The following CDH12 variants were observed in gnomAD, a reference collection of about 807,000 sequenced individuals.
CDH12 encodes the protein cadherin 12.
CDH12 carries 41 observed loss-of-function variants against 74.1 expected under a neutral mutation model. That is an observed-to-expected ratio of 0.55 (90% CI 0.43 to 0.72). CDH12 has a LOEUF of 0.72. Among genes scored for constraint, CDH12 ranks in the 30% least tolerant of loss-of-function variants. The probability of loss-of-function intolerance (pLI) is 0.00; values close to 1 mark genes in which losing one functional copy is unlikely to be tolerated. For missense variants in CDH12, 945 were observed against 977.2 expected (o/e 0.97, Z 0.44); for synonymous variants, 399 against 355.0 (o/e 1.12, Z -1.39).
intron 3 of CDH12, among the ~76,000 whole-genome samples, chr5:22,333,252 T>C (rs1356953424): frequency 6.6e-6 from 1 of 151,280 alleles, no homozygotes; most frequent in East Asian, 2.0e-4. Flanking sequence ...ACTCATAAGT[T>C]GGAGTTGAAT....
chr5:22,800,128 G>A (rs941348215), intron 1 of CDH12, among the ~76,000 whole-genome samples: 9 of 152,186 alleles, frequency 5.9e-5, no homozygotes, highest in Non-Finnish European at 1.0e-4. Context: ...AACATTGCCA[G>A]ATGAGCTACA....
chr5:22,732,814 C>T (rs1744501249), intron 1 of CDH12, among the ~76,000 whole-genome samples: 1 of 151,904 alleles, frequency 6.6e-6, no homozygotes. Flanking sequence ...CTGCTGATAC[C>T]TTGGTCACAG....
intron 1 of CDH12, among the ~76,000 whole-genome samples, chr5:22,589,934 C>T (rs573833601): frequency 1.4e-3 from 212 of 152,254 alleles, no homozygotes; most frequent in African/African-American, 5.0e-3. Flanking sequence ...TCCAACTTCA[C>T]TTGAGATTCT....
In CDH12 at chr5:22,556,597, T is replaced by C. The variant is rs565151411; in HGVS notation, c.-522-51233A>G. On this transcript the variant is annotated intron_variant, in intron 1 of 14. Coordinates refer to ENST00000382254, the MANE Select transcript of CDH12 (RefSeq NM_004061.5). Reference sequence around the variant, plus strand: ...TCTATAGCACTTTTTAAAATATTGTTTTTGGTTAAGAATACGTTAAATAAT... The same window carrying C: ...TCTATAGCACTTTTTAAAATATTGTCTTTGGTTAAGAATACGTTAAATAAT... Among the ~76,000 whole-genome samples, 3 of 152,156 alleles carry C rather than the reference T, an allele frequency of 2.0e-5. No individual in the cohort carries two copies. In the East Asian group the frequency reaches 5.8e-4, roughly 29 times the overall value.
At chr5:21,956,091 A>G (rs981283558) in intron 6 of CDH12, among the ~76,000 whole-genome samples, 4 of 152,126 alleles carry the variant, frequency 2.6e-5, no homozygotes, top group African/African-American at 9.7e-5. Flanking sequence ...GTAGAGAAAA[A>G]ACTATGTTAG....
chr5:22,653,239 C>CCT (rs1739833221), intron 1 of CDH12, among the ~76,000 whole-genome samples: 1 of 152,158 alleles, frequency 6.6e-6, no homozygotes, highest in Admixed American at 6.6e-5. Flanking sequence ...TGACTTTAAA[C>CCT]AACTCCTAAA....
chr5:22,822,126 TGGGGAAA>T (rs1749734973), intron 1 of CDH12, among the ~76,000 whole-genome samples: 1 of 152,074 alleles, frequency 6.6e-6, no homozygotes, highest in Non-Finnish European at 1.5e-5. Context: ...AAACAAGCAA[TGGGGAAA>T]GGATTCCCTA....
At chr5:22,596,029 AC>A (rs1736587844) in intron 1 of CDH12, among the ~76,000 whole-genome samples, 2 of 151,630 alleles carry the variant, frequency 1.3e-5, no homozygotes, top group South Asian at 4.1e-4. Context: ...AATGGCACGA[AC>A]CCAGGAGGCA....
intron 1 of CDH12, among the ~76,000 whole-genome samples, chr5:22,506,913 T>G (rs1736409043): frequency 6.6e-6 from 1 of 152,154 alleles, no homozygotes; most frequent in African/African-American, 2.4e-5. Context: ...TAAACAGCAT[T>G]TTGGGTGCAA....
chr5:22,764,471 C>A (rs536365279), intron 1 of CDH12, among the ~76,000 whole-genome samples: 8 of 151,828 alleles, frequency 5.3e-5, no homozygotes, highest in Non-Finnish European at 1.0e-4. Context: ...TAAATAAATA[C>A]AAAAGTTCTT....
Position 21,854,672 on chromosome 5 carries a change from T to C in CDH12, c.645A>G (p.Thr215=). The change falls in exon 7 of 15, where the codon ACA becomes ACG. Residue 215 remains threonine (T), a splice_region_variant and synonymous_variant. Coordinates refer to ENST00000382254, the MANE Select transcript of CDH12 (RefSeq NM_004061.5). ...GQPYFSIDPK[T]GVIRTALPNM... is the part of the protein sequence containing the mutation. ...TGTTGCCTCTAATAAAAAATTTACC[T>C]GTCTTGGGATCAATAGAGAAATAAG... 3 of 1,594,724 alleles carry C rather than the reference T, an allele frequency of 1.9e-6. No individual in the cohort carries two copies. Among genetic ancestry groups the C allele is most frequent in the Non-Finnish European group, 2.6e-6 (3 of 1,171,268 alleles).
intron 3 of CDH12, among the ~76,000 whole-genome samples, chr5:22,332,657 A>G (rs1351464406): frequency 6.6e-6 from 1 of 152,220 alleles, no homozygotes; most frequent in African/African-American, 2.4e-5. Flanking sequence ...TGGGCAAAGG[A>G]TATGGACAGG....
At chr5:22,538,426 C>T (rs1737959217) in intron 1 of CDH12, among the ~76,000 whole-genome samples, 1 of 152,176 alleles carries the variant, frequency 6.6e-6, no homozygotes, top group Non-Finnish European at 1.5e-5. Context: ...CACCAGCATC[C>T]TGATATCTTA....
At chr5:22,508,867 C>A (rs1736497257) in intron 1 of CDH12, among the ~76,000 whole-genome samples, 1 of 152,100 alleles carries the variant, frequency 6.6e-6, no homozygotes, top group Admixed American at 6.6e-5. Flanking sequence ...AAGCTGTACC[C>A]CGACAACCTT....
intron 4 of CDH12, among the ~76,000 whole-genome samples, chr5:22,148,135 A>G (rs903041911): frequency 1.1e-4 from 16 of 152,124 alleles, no homozygotes; most frequent in Non-Finnish European, 1.9e-4. Flanking sequence ...TCTATTAAGT[A>G]CTTAAAGACT....
intron 1 of CDH12, among the ~76,000 whole-genome samples, chr5:22,567,440 G>A (rs956119879): frequency 6.6e-6 from 1 of 152,044 alleles, no homozygotes. Flanking sequence ...TCAATGTCAG[G>A]GTATAAGAAA....
chr5:21,905,893 C>T (rs992208726), intron 6 of CDH12, among the ~76,000 whole-genome samples: 5 of 152,080 alleles, frequency 3.3e-5, no homozygotes, highest in Admixed American at 1.3e-4. Context: ...TGCTGACATA[C>T]AATAGCAATA....
chr5:22,482,743 G>GT (rs1420981097), intron 2 of CDH12, among the ~76,000 whole-genome samples: 1 of 151,990 alleles, frequency 6.6e-6, no homozygotes, highest in Non-Finnish European at 1.5e-5. Flanking sequence ...ACTCACTATC[G>GT]TATGTTAAGC....
chr5:21,886,286 T>G (rs1752625254), intron 6 of CDH12, among the ~76,000 whole-genome samples: 1 of 146,158 alleles, frequency 6.8e-6, no homozygotes, highest in Admixed American at 6.7e-5. Flanking sequence ...ATGAAGTATG[T>G]TTTTTTTCAT....
Sources: gnomAD v4.1 joint callset for allele counts (sites outside exome capture counted in the v4.1 genomes callset) on GRCh38, gnomAD v4.1.1 for gene constraint, MANE v1.5 for transcripts, NCBI Gene and HGNC (gene_info 2026-07-23, HGNC 2026-07-21) for gene names.